FARP1: variants seen among roughly 807,000 people sequenced by gnomAD.
The protein encoded by FARP1 is FERM, ARHGEF and pleckstrin domain-containing protein 1.
A neutral mutation model predicts 128.8 loss-of-function variants in FARP1; 52 were observed. The observed-to-expected ratio is 0.40, with a 90% CI of 0.32 to 0.51. The LOEUF is 0.51. Among genes scored for constraint, FARP1 ranks in the 20% least tolerant of loss-of-function variants. FARP1 has a pLI of 0.45. For synonymous variants in FARP1, 580 were observed against 551.8 expected (o/e 1.05, Z -0.72); for missense variants, 1,333 against 1,367.9 (o/e 0.97, Z 0.40).
chr13:98,164,946 G>C (rs753818185), intron 1 of FARP1, among the ~76,000 whole-genome samples: 1 of 152,128 alleles, frequency 6.6e-6, no homozygotes, highest in Non-Finnish European at 1.5e-5. Flanking sequence ...TGAGCGTGTT[G>C]GTGCATGACT....
intron 2 of FARP1, among the ~76,000 whole-genome samples, chr13:98,238,168 G>T (rs1185888456): frequency 3.3e-5 from 5 of 152,178 alleles, no homozygotes; most frequent in Non-Finnish European, 5.9e-5. Context: ...CAGTAGATGA[G>T]TTCCCAGATG....
intron 5 of FARP1, among the ~76,000 whole-genome samples, chr13:98,376,511 G>C (rs529419884): frequency 6.6e-6 from 1 of 152,062 alleles, no homozygotes; most frequent in African/African-American, 2.4e-5. Context: ...TTCTTTGTCC[G>C]TTCATCTGTG....
intron 2 of FARP1, among the ~76,000 whole-genome samples, chr13:98,248,569 T>C (rs147421055): frequency 6.6e-6 from 1 of 152,318 alleles, no homozygotes; most frequent in East Asian, 1.9e-4. Context: ...GATAACACAT[T>C]CTTCATGGAT....
Position 98,176,110 on chromosome 13 carries a change from A to G in FARP1, c.-24+32618A>G, listed in dbSNP as rs913890188. 5 of 1,495,046 alleles carry G rather than the reference A, an allele frequency of 3.3e-6. No homozygotes were observed. The African/African-American group carries it at 5.5e-5, about 17-fold the overall frequency. The allele number at this position is 1,495,046 out of a possible 1,614,324, so 92.6% of individuals were successfully genotyped here. A position where few individuals can be genotyped will look rare whatever the true frequency, so the allele number is the denominator to read the frequency against. On this transcript the variant is annotated intron_variant, in intron 1 of 26. Transcript: ENST00000319562. The surrounding 1 kb of genome is among the most constrained non-coding windows in gnomAD (Gnocchi z 6.2). ...TTGCAGGAAGACTGTCATCTCTCTC[A>G]TCTTACTCAACAGGCTGCTTCTCCC...
chr13:98,235,054 G>C (rs1882338546), intron 2 of FARP1, among the ~76,000 whole-genome samples: 1 of 152,200 alleles, frequency 6.6e-6, no homozygotes, highest in Non-Finnish European at 1.5e-5. Context: ...GTAATAAAAA[G>C]TAGGTAGTTT....
chr13:98,428,882 T>C (rs1891891472), intron 17 of FARP1, among the ~76,000 whole-genome samples: 1 of 152,176 alleles, frequency 6.6e-6, no homozygotes. Context: ...GGACCACACG[T>C]GTGATAGCAT....
chr13:98,435,233 G>A (rs1334031610), intron 18 of FARP1, among the ~76,000 whole-genome samples: 9 of 152,078 alleles, frequency 5.9e-5, no homozygotes, highest in African/African-American at 2.2e-4. Flanking sequence ...AGTAACAGGA[G>A]GGAAAAGAAA....
chr13:98,418,154 A>G (rs770458357), intron 16 of FARP1, among the ~76,000 whole-genome samples: 2 of 152,218 alleles, frequency 1.3e-5, no homozygotes, highest in East Asian at 1.9e-4. Context: ...GCTTCAAGCA[A>G]TCCTCCCACC....
chr13:98,344,010 T>C, intron 3 of FARP1, 144 bp downstream of exon 3: 1 of 659,766 alleles, frequency 1.5e-6, no homozygotes, highest in Non-Finnish European at 2.7e-6. Flanking sequence ...TGGTGTGTAT[T>C]TGACACCTCA....
At chr13:98,258,791 A>G (rs1348491102) in intron 2 of FARP1, among the ~76,000 whole-genome samples, 1 of 152,186 alleles carries the variant, frequency 6.6e-6, no homozygotes, top group Non-Finnish European at 1.5e-5. Flanking sequence ...ATGAGATGAC[A>G]AATTCTAGAT....
intron 2 of FARP1, among the ~76,000 whole-genome samples, chr13:98,252,734 G>A (rs922804261): frequency 1.7e-4 from 26 of 152,178 alleles, no homozygotes; most frequent in African/African-American, 6.0e-4. Context: ...ACCTGAAATT[G>A]GATGTAAGTC....
chr13:98,233,774 T>C (rs1882274576), intron 2 of FARP1: 1 of 152,204 alleles, frequency 6.6e-6, no homozygotes. Flanking sequence ...TTCTGACTTT[T>C]TATGACCCAT....
chr13:98,430,937 G>A, intron 17 of FARP1, 106 bp from the exon 18 acceptor site: 1 of 692,676 alleles, frequency 1.4e-6, no homozygotes, highest in Non-Finnish European at 2.6e-6. Context: ...AACAAATCGT[G>A]AAATAGAGAG....
chr13:98,295,046 TACAC>T (rs746373395), intron 2 of FARP1, among the ~76,000 whole-genome samples: 3,727 of 108,192 alleles, frequency 0.034, 79 homozygotes, highest in Admixed American at 0.062. Flanking sequence ...ATATATATAT[TACAC>T]ACACACACAC....
intron 2 of FARP1, among the ~76,000 whole-genome samples, chr13:98,282,729 C>A (rs527716810): frequency 6.6e-6 from 1 of 151,976 alleles, no homozygotes; most frequent in Non-Finnish European, 1.5e-5. Context: ...ATGGTGAAAC[C>A]CTGTCTCTAC....
chr13:98,424,763 C>G, intron 17 of FARP1, 113 bp downstream of exon 17: 1 of 755,730 alleles, frequency 1.3e-6, no homozygotes, highest in Non-Finnish European at 2.3e-6. Flanking sequence ...TGATTTGACT[C>G]TCTACACCAA....
intron 13 of FARP1, chr13:98,402,189 G>A (rs560556042): frequency 6.6e-6 from 1 of 152,476 alleles, no homozygotes; most frequent in South Asian, 2.1e-4. Flanking sequence ...GTGCTGCTGG[G>A]GCCAGGTGCA....
chr13:98,377,171 G>T (rs989321373), intron 5 of FARP1, among the ~76,000 whole-genome samples: 1 of 151,702 alleles, frequency 6.6e-6, no homozygotes, highest in African/African-American at 2.4e-5. Context: ...GCGTGGTGGC[G>T]TGCACCTGTA....
At chr13:98,232,153 T>G (rs1298182754) in intron 2 of FARP1, among the ~76,000 whole-genome samples, 2 of 147,752 alleles carry the variant, frequency 1.4e-5, no homozygotes, top group African/African-American at 2.5e-5. Flanking sequence ...TGGTTTTTTT[T>G]TTTTTTTTTT....
Sources: gnomAD v4.1 joint callset for allele counts (sites outside exome capture counted in the v4.1 genomes callset) on GRCh38, gnomAD v4.1.1 for gene constraint, Gnocchi (gnomAD v3.1) non-coding constraint, MANE v1.5 for transcripts, NCBI Gene and HGNC (gene_info 2026-07-23, HGNC 2026-07-21) for gene names.